Variants in MCPH1 observed in about 807,000 individuals in gnomAD.
MCPH1 encodes microcephalin 1.
MCPH1 carries 104 observed loss-of-function variants against 84.5 expected under a neutral mutation model. The observed-to-expected ratio is 1.23, with a 90% CI of 1.05 to 1.45. The LOEUF is 1.45. MCPH1 is among the 40% of genes most tolerant of loss of function. The probability of loss-of-function intolerance (pLI) is 0.00; values close to 1 mark genes in which losing one functional copy is unlikely to be tolerated. For synonymous variants in MCPH1, 514 were observed against 366.8 expected (o/e 1.40, Z -4.58); for missense variants, 1,498 against 1,005.7 (o/e 1.49, Z -6.62).
intron 12 of MCPH1, among the ~76,000 whole-genome samples, chr8:6,541,734 T>G (rs1301254510): frequency 1.3e-5 from 2 of 152,210 alleles, no homozygotes; most frequent in Non-Finnish European, 2.9e-5. Flanking sequence ...CCGGGCATAG[T>G]GGCTCACTCC....
At chr8:6,530,238 T>G (rs979858690) in intron 12 of MCPH1, among the ~76,000 whole-genome samples, 8 of 152,132 alleles carry the variant, frequency 5.3e-5, no homozygotes, top group Non-Finnish European at 1.0e-4. Flanking sequence ...CCAGGTACGG[T>G]GGCTCACGCC....
chr8:6,415,242 C>T (rs140697109), intron 3 of MCPH1, among the ~76,000 whole-genome samples: 12 of 151,442 alleles, frequency 7.9e-5, no homozygotes, highest in African/African-American at 2.9e-4. Context: ...GACTTTCTCA[C>T]AACTCTGGAG....
At chr8:6,514,906 G>C in intron 12 of MCPH1, 2 of 682,066 alleles carry the variant, frequency 2.9e-6, no homozygotes, top group Non-Finnish European at 5.1e-6. Context: ...TATAAGGCAC[G>C]GAGTAGACCA....
chr8:6,622,558 C>T (rs1204234624), intron 13 of MCPH1, among the ~76,000 whole-genome samples: 2 of 152,206 alleles, frequency 1.3e-5, no homozygotes, highest in Non-Finnish European at 2.9e-5. Context: ...TGTTAGTTTG[C>T]TTGGGCTGCC....
chr8:6,632,633 C>A (rs911187041), intron 13 of MCPH1, among the ~76,000 whole-genome samples: 56 of 152,062 alleles, frequency 3.7e-4, no homozygotes, highest in Non-Finnish European at 7.4e-5. Context: ...CACAGTGAAA[C>A]CCCATCTCTA....
At chr8:6,413,029 C>A (rs1172841634) in intron 2 of MCPH1, among the ~76,000 whole-genome samples, 1 of 152,194 alleles carries the variant, frequency 6.6e-6, no homozygotes, top group African/African-American at 2.4e-5. Flanking sequence ...ACATATATTA[C>A]TTCAGTATAA....
At chr8:6,422,582 A>G (rs933927033) in intron 3 of MCPH1, among the ~76,000 whole-genome samples, 1 of 152,038 alleles carries the variant, frequency 6.6e-6, no homozygotes, top group Non-Finnish European at 1.5e-5. Flanking sequence ...CTCATTCTCT[A>G]TCCCCTTTCT....
At chr8:6,420,247 T>G (rs1429366521) in intron 3 of MCPH1, among the ~76,000 whole-genome samples, 1 of 152,144 alleles carries the variant, frequency 6.6e-6, no homozygotes, top group Non-Finnish European at 1.5e-5. Context: ...GAGTGGGTGC[T>G]GTGAGCTGTG....
At chr8:6,506,675 A>G (rs1265887808) in intron 12 of MCPH1, among the ~76,000 whole-genome samples, 1 of 152,152 alleles carries the variant, frequency 6.6e-6, no homozygotes, top group Non-Finnish European at 1.5e-5. Flanking sequence ...AGCTTTTGCA[A>G]AATCAATAGG....
chr8:6,540,625 G>T (rs1393210284), intron 12 of MCPH1, among the ~76,000 whole-genome samples: 1 of 152,238 alleles, frequency 6.6e-6, no homozygotes, highest in Non-Finnish European at 1.5e-5. Context: ...TATATACACA[G>T]CAAGAATAGT....
intron 13 of MCPH1, among the ~76,000 whole-genome samples, chr8:6,641,036 A>G (rs1797905219): frequency 6.6e-6 from 1 of 152,118 alleles, no homozygotes; most frequent in African/African-American, 2.4e-5. Flanking sequence ...CTGTTTTGAT[A>G]TCTGGTATGT....
At chr8:6,609,561 A>G (rs1052376060) in intron 12 of MCPH1, among the ~76,000 whole-genome samples, 2 of 152,232 alleles carry the variant, frequency 1.3e-5, no homozygotes, top group Non-Finnish European at 2.9e-5. Context: ...TCAGGGGGAA[A>G]AAATACATTC....
chr8:6,547,885 ATT>A (rs78972556), intron 12 of MCPH1, among the ~76,000 whole-genome samples: 3,009 of 118,914 alleles, frequency 0.025, 66 homozygotes, highest in East Asian at 0.069. Flanking sequence ...TCTTACCCCC[ATT>A]TTTTTTTTTT....
intron 1 of MCPH1, 98 bp from the exon 2 acceptor site, chr8:6,409,181 G>A (rs1015799134): frequency 7.8e-6 from 8 of 1,019,424 alleles, no homozygotes; most frequent in Middle Eastern, 4.2e-4. Context: ...CCACTGTGCC[G>A]GCCTCGGTTT....
chr8:6,624,835 G>A, intron 13 of MCPH1: 1 of 985,112 alleles, frequency 1.0e-6, no homozygotes, highest in Non-Finnish European at 1.2e-6. Context: ...TCCAGGTCCA[G>A]GCTATTTGCT....
At chr8:6,538,680 G>A (rs1420593424) in intron 12 of MCPH1, among the ~76,000 whole-genome samples, 1 of 152,102 alleles carries the variant, frequency 6.6e-6, no homozygotes, top group Non-Finnish European at 1.5e-5. Flanking sequence ...TACTCGTTTT[G>A]TGTTTCCTTT....
chr8:6,626,682 T>C (rs1832113881), intron 13 of MCPH1: 1 of 984,986 alleles, frequency 1.0e-6, no homozygotes, highest in African/African-American at 1.7e-5. Context: ...TAATTCCCAT[T>C]TTATAAGTCA....
intron 9 of MCPH1, among the ~76,000 whole-genome samples, chr8:6,468,366 TC>T (rs1807258981): frequency 2.6e-5 from 4 of 152,150 alleles, no homozygotes; most frequent in African/African-American, 9.6e-5. Context: ...CCTGCACCCT[TC>T]TCCCACACAC....
At chr8:6,463,772 G>A (rs757118683) in intron 9 of MCPH1, among the ~76,000 whole-genome samples, 2 of 152,206 alleles carry the variant, frequency 1.3e-5, no homozygotes, top group Non-Finnish European at 2.9e-5. Flanking sequence ...TGTCCTTCAA[G>A]TAAAAGGTTC....
Sources: gnomAD v4.1 joint callset for allele counts (sites outside exome capture counted in the v4.1 genomes callset) on GRCh38, gnomAD v4.1.1 for gene constraint, MANE v1.5 for transcripts, NCBI Gene and HGNC (gene_info 2026-07-23, HGNC 2026-07-21) for gene names.